Variants in AUTS2 observed in about 807,000 individuals in gnomAD.
AUTS2 encodes activator of transcription and developmental regulator AUTS2.
In AUTS2, 17 loss-of-function variants were observed where a neutral mutation model predicts 112.4. The observed-to-expected ratio is 0.15, with a 90% CI of 0.10 to 0.23. The LOEUF (loss-of-function observed/expected upper bound fraction) is 0.23, where lower values mean the gene tolerates loss of function less well. Ranked by LOEUF, AUTS2 falls within the 10% of genes least tolerant of loss-of-function variation. AUTS2 has a pLI of 1.00. For missense variants in AUTS2, 1,510 were observed against 1,701.6 expected (o/e 0.89, Z 1.98); for synonymous variants, 751 against 702.7 (o/e 1.07, Z -1.09).
intron 1 of AUTS2, among the ~76,000 whole-genome samples, chr7:69,874,446 G>C (rs147231683): frequency 1.2e-3 from 188 of 152,268 alleles, no homozygotes; most frequent in African/African-American, 4.2e-3. Flanking sequence ...CAAGGAAGTG[G>C]CATGCTTAAA....
At chr7:70,087,847 T>A (rs187535681) in intron 2 of AUTS2, among the ~76,000 whole-genome samples, 1 of 152,272 alleles carries the variant, frequency 6.6e-6, no homozygotes, top group African/African-American at 2.4e-5. Context: ...GGGCCTGGAG[T>A]TTTCTTTATA....
intron 2 of AUTS2, among the ~76,000 whole-genome samples, chr7:69,909,518 G>T (rs1795272681): frequency 6.6e-6 from 1 of 152,166 alleles, no homozygotes; most frequent in Admixed American, 6.5e-5. Context: ...AAAAGTTGGT[G>T]ATATTTGGTA....
At chr7:70,728,707 C>CAAA (rs55878540) in intron 6 of AUTS2, among the ~76,000 whole-genome samples, 1,146 of 81,580 alleles carry the variant, frequency 0.014, 37 homozygotes, top group African/African-American at 0.055. Context: ...GACTCTGTCT[C>CAAA]AAAAAAAAAA....
intron 5 of AUTS2, among the ~76,000 whole-genome samples, chr7:70,552,577 A>C (rs1408722443): frequency 6.6e-6 from 1 of 152,244 alleles, no homozygotes; most frequent in East Asian, 1.9e-4. Context: ...GGGGACAGAG[A>C]GCAGGAAGAG....
intron 6 of AUTS2, among the ~76,000 whole-genome samples, chr7:70,716,651 A>G (rs1257250058): frequency 0.012 from 1,726 of 149,544 alleles, 47 homozygotes; most frequent in African/African-American, 0.04. Flanking sequence ...AAAAAAAAAA[A>G]AAAAAAAAAA....
intron 4 of AUTS2, among the ~76,000 whole-genome samples, chr7:70,197,496 G>T (rs1164677377): frequency 1.5e-5 from 2 of 135,882 alleles, no homozygotes; most frequent in Admixed American, 1.5e-4. Context: ...CACCGTGCGC[G>T]AGCCGAAGCA....
chr7:69,683,078 TG>T (rs2129170137), intron 1 of AUTS2, among the ~76,000 whole-genome samples: 1 of 152,288 alleles, frequency 6.6e-6, no homozygotes, highest in Non-Finnish European at 1.5e-5. Context: ...CCCCCATTGC[TG>T]GGGGGAATGC....
At chr7:70,749,382 C>G (rs77234478) in intron 6 of AUTS2, among the ~76,000 whole-genome samples, 14,480 of 152,042 alleles carry the variant, frequency 0.095, 760 homozygotes, top group East Asian at 0.25. Flanking sequence ...GCGAATGTAC[C>G]GTCCTAACAA....
chr7:70,254,021 AT>A (rs1171636258), intron 4 of AUTS2, among the ~76,000 whole-genome samples: 1 of 151,910 alleles, frequency 6.6e-6, no homozygotes, highest in Non-Finnish European at 1.5e-5. Flanking sequence ...CAAAAACTAA[AT>A]TTTTTTTCTT....
chr7:69,767,501 TA>T (rs1788478783), intron 1 of AUTS2, among the ~76,000 whole-genome samples: 1 of 152,196 alleles, frequency 6.6e-6, no homozygotes, highest in Non-Finnish European at 1.5e-5. Flanking sequence ...TTAGAAAGTG[TA>T]GTGTGAACTT....
intron 2 of AUTS2, among the ~76,000 whole-genome samples, chr7:70,085,924 T>TA (rs35205390): frequency 0.33 from 49,378 of 149,052 alleles, 8,228 homozygotes; most frequent in African/African-American, 0.38. Context: ...AAGGGTTGTA[T>TA]AAAAAAAAAA....
intron 4 of AUTS2, among the ~76,000 whole-genome samples, chr7:70,358,463 CT>C (rs1225102225): frequency 6.6e-6 from 1 of 152,224 alleles, no homozygotes; most frequent in Non-Finnish European, 1.5e-5. Context: ...TCCACCCATA[CT>C]TTTTGCCCTC....
chr7:70,643,416 C>A (rs1396942866), intron 5 of AUTS2, among the ~76,000 whole-genome samples: 1 of 152,112 alleles, frequency 6.6e-6, no homozygotes, highest in African/African-American at 2.4e-5. Flanking sequence ...ACTAAAAATA[C>A]AAAAATTAGC....
chr7:70,789,915 C>T lies in AUTS2; in HGVS notation c.2699C>T (p.Ser900Phe). The change falls in exon 19 of 19, where the codon TCC (serine) becomes TTC (phenylalanine). Residue 900 changes from serine (S) to phenylalanine (F), a missense_variant. Ser to Phe is a radical substitution (Grantham distance 155, BLOSUM62 -2). Coordinates refer to ENST00000342771, the MANE Select transcript of AUTS2 (RefSeq NM_015570.4). ...GAGAGGGAGAGAGACCACTCGGAAT[C>T]CCGCAAGGACCTGGCCGCCGACGAG... is the stretch of plus-strand genomic sequence containing the variant. ...PKERERDHSE[S>F]RKDLAADEHK... 6.2e-7 allele frequency: 1 copy of T among 1,614,128 alleles called. No homozygotes were observed. Among genetic ancestry groups the T allele is most frequent in the African/African-American group, 1.3e-5 (1 of 75,056 alleles).
intron 1 of AUTS2, among the ~76,000 whole-genome samples, chr7:69,897,598 A>C (rs961323713): frequency 5.9e-5 from 9 of 151,860 alleles, no homozygotes; most frequent in African/African-American, 1.2e-4. Flanking sequence ...AAAAAAAAAA[A>C]AACAAAAAAA....
intron 2 of AUTS2, among the ~76,000 whole-genome samples, chr7:69,912,036 G>A (rs1199035265): frequency 1.3e-5 from 2 of 152,188 alleles, no homozygotes; most frequent in Admixed American, 1.3e-4. Context: ...GCCACCTTCA[G>A]TCCTACCTTG....
chr7:69,646,823 A>C (rs966987629), intron 1 of AUTS2, among the ~76,000 whole-genome samples: 1 of 152,204 alleles, frequency 6.6e-6, no homozygotes, highest in African/African-American at 2.4e-5. Context: ...GCGGTGGCTC[A>C]CGCCTGTAAT....
intron 1 of AUTS2, among the ~76,000 whole-genome samples, chr7:69,718,753 T>G (rs1798755547): frequency 6.6e-6 from 1 of 152,152 alleles, no homozygotes; most frequent in Non-Finnish European, 1.5e-5. Flanking sequence ...GAGCCATTAT[T>G]TCTACCTGTT....
chr7:70,584,523 C>T (rs928679946), intron 5 of AUTS2, among the ~76,000 whole-genome samples: 1 of 152,188 alleles, frequency 6.6e-6, no homozygotes, highest in Non-Finnish European at 1.5e-5. Context: ...GGGGAAGAAC[C>T]CTTGATAAAA....
Sources: allele counts gnomAD v4.1 joint callset (sites outside exome capture counted in the v4.1 genomes callset), GRCh38; gene constraint gnomAD v4.1.1; transcripts MANE v1.5; gene names NCBI Gene and HGNC (gene_info 2026-07-23, HGNC 2026-07-21).